The following POT1 variants were observed in gnomAD, a reference collection of about 807,000 sequenced individuals.
POT1 encodes the protein protection of telomeres 1, also known as protection of telomeres protein 1.
A neutral mutation model predicts 78.5 loss-of-function variants in POT1; 47 were observed. The observed-to-expected ratio is 0.60, with a 90% CI of 0.47 to 0.76. The LOEUF (loss-of-function observed/expected upper bound fraction) is 0.76. Ranked by LOEUF, POT1 falls within the 30% of genes least tolerant of loss-of-function variation. The pLI, the probability that POT1 is intolerant of heterozygous loss-of-function variation, is 0.00. For synonymous variants in POT1, 259 were observed against 260.7 expected (o/e 0.99, Z 0.06); for missense variants, 646 against 749.9 (o/e 0.86, Z 1.62).
intron 13 of POT1, among the ~76,000 whole-genome samples, chr7:124,842,581 A>G (rs1401507987): frequency 6.6e-6 from 1 of 151,806 alleles, no homozygotes; most frequent in Middle Eastern, 3.2e-3. Flanking sequence ...CCTTTATCAG[A>G]GTGACTAAGC....
intron 3 of POT1, among the ~76,000 whole-genome samples, chr7:124,901,268 T>C (rs926104316): frequency 1.3e-5 from 2 of 152,104 alleles, no homozygotes; most frequent in Non-Finnish European, 2.9e-5. Context: ...AACTGACACC[T>C]CACACAGCTG....
chr7:124,905,807 C>T (rs1383354674), intron 3 of POT1, among the ~76,000 whole-genome samples: 1 of 151,968 alleles, frequency 6.6e-6, no homozygotes, highest in Non-Finnish European at 1.5e-5. Flanking sequence ...ATCAAACAAC[C>T]CCATCAAAAA....
intron 5 of POT1, among the ~76,000 whole-genome samples, chr7:124,896,391 A>T (rs1796491849): frequency 6.6e-6 from 1 of 151,702 alleles, no homozygotes; most frequent in Admixed American, 6.6e-5. Flanking sequence ...ACCAGAGCTA[A>T]CTCACATTTT....
chr7:124,899,741 GA>G (rs55872782), intron 3 of POT1, among the ~76,000 whole-genome samples: 91,161 of 151,294 alleles, frequency 0.6, 27,518 homozygotes, highest in African/African-American at 0.65. Context: ...TATCCAAGTA[GA>G]AAAAAAAACC....
At chr7:124,859,805 C>G (rs1001770144) in intron 8 of POT1, among the ~76,000 whole-genome samples, 1 of 147,358 alleles carries the variant, frequency 6.8e-6, no homozygotes, top group Non-Finnish European at 1.5e-5. Context: ...AGAATATATA[C>G]ATTTAGAGAA....
At chr7:124,913,001 C>T (rs149328478) in intron 3 of POT1, among the ~76,000 whole-genome samples, 104 of 152,196 alleles carry the variant, frequency 6.8e-4, no homozygotes, top group African/African-American at 2.4e-3. Flanking sequence ...ATAATCAAGG[C>T]GGAAGGCAAG....
At chr7:124,919,030 C>T (rs989465864) in intron 2 of POT1, among the ~76,000 whole-genome samples, 6 of 152,094 alleles carry the variant, frequency 3.9e-5, no homozygotes, top group Non-Finnish European at 7.4e-5. Flanking sequence ...CAGGCAATTT[C>T]GTCTTTGTGT....
chr7:124,876,188 T>C (rs1160368021), intron 6 of POT1, among the ~76,000 whole-genome samples: 1 of 152,242 alleles, frequency 6.6e-6, no homozygotes. Context: ...CATTTGTTTG[T>C]ATATCTTTAA....
intron 11 of POT1, among the ~76,000 whole-genome samples, chr7:124,847,332 TAC>T (rs1795196369): frequency 6.6e-6 from 1 of 152,148 alleles, no homozygotes; most frequent in African/African-American, 2.4e-5. Context: ...CCATCTCTAC[TAC>T]AAATACAAAA....
At chr7:124,876,210 T>C (rs1047349185) in intron 6 of POT1, among the ~76,000 whole-genome samples, 1 of 152,092 alleles carries the variant, frequency 6.6e-6, no homozygotes, top group Non-Finnish European at 1.5e-5. Flanking sequence ...ACTAGGAAAA[T>C]ATGGGATTAT....
At chr7:124,900,726 G>A in intron 3 of POT1, 1 of 240,860 alleles carries the variant, frequency 4.2e-6, no homozygotes, top group Non-Finnish European at 9.4e-6. Flanking sequence ...AGTGCAAGGG[G>A]TCGGGGAATT....
In POT1 at chr7:124,858,998, A is replaced by C; in HGVS notation, c.661T>G (p.Leu221Val). ...HRLQNLTIDI[L>V]VYDNHVHVAR... ...ACATGAACATGGTTATCGTAGACTA[A>C]AATGTCTATTGTCAGATTTTGTAGC... The change falls in exon 9 of 19, where the codon TTA (leucine) becomes GTA (valine). Residue 221 changes from leucine to valine, a missense_variant. Coordinates refer to ENST00000357628, the MANE Select transcript of POT1 (RefSeq NM_015450.3). 1 of 1,611,888 alleles carries C rather than the reference A, an allele frequency of 6.2e-7. No homozygotes were observed. Among genetic ancestry groups the C allele is most frequent in the Non-Finnish European group, 8.5e-7 (1 of 1,178,384 alleles).
intron 1 of POT1, among the ~76,000 whole-genome samples, chr7:124,929,210 G>A (rs1797348162): frequency 6.6e-6 from 1 of 152,082 alleles, no homozygotes; most frequent in East Asian, 1.9e-4. Flanking sequence ...ACTTAGCTGC[G>A]TAAAGTACCT....
intron 15 of POT1, among the ~76,000 whole-genome samples, chr7:124,830,434 T>C (rs1170164242): frequency 6.6e-6 from 1 of 152,196 alleles, no homozygotes; most frequent in Non-Finnish European, 1.5e-5. Context: ...TATACCCTTC[T>C]ATTTATTAAA....
intron 3 of POT1, among the ~76,000 whole-genome samples, chr7:124,903,763 T>C (rs889118058): frequency 6.6e-6 from 1 of 151,818 alleles, no homozygotes; most frequent in Admixed American, 6.6e-5. Flanking sequence ...ATCAACAAAA[T>C]TGATAGACTG....
chr7:124,890,750 G>C (rs1408626090), intron 6 of POT1, among the ~76,000 whole-genome samples: 2 of 151,782 alleles, frequency 1.3e-5, no homozygotes, highest in Non-Finnish European at 2.9e-5. Context: ...ATGTAAACTA[G>C]TACAAACACT....
chr7:124,873,916 AGGTGGC>A (rs1795928946), intron 6 of POT1, among the ~76,000 whole-genome samples: 1 of 152,188 alleles, frequency 6.6e-6, no homozygotes, highest in African/African-American at 2.4e-5. Context: ...AGATACTACA[AGGTGGC>A]TACAGTGAAG....
chr7:124,827,252 C>T lies in POT1; in HGVS notation c.1648G>A (p.Asp550Asn). ...YVFVMTFTLD[D>N]GTGVLEAYLM... ...TAGGCTTCTAGTACTCCTGTTCCAT[C>T]ATCAAGTGTAAAGGTCATAACAAAC... The change falls in exon 17 of 19, where the codon GAT becomes AAT. Residue 550 changes from aspartate (D) to asparagine (N), a missense_variant. Asp to Asn is a conservative substitution (Grantham distance 23). Coordinates refer to ENST00000357628, the MANE Select transcript of POT1 (RefSeq NM_015450.3). 6.3e-7 allele frequency: 1 copy of T among 1,597,918 alleles called. No homozygotes were observed. The highest frequency in any genetic ancestry group is 8.6e-7 in the Non-Finnish European group (1 of 1,167,906).
intron 12 of POT1, 97 bp from the exon 13 acceptor site, chr7:124,843,060 T>G (rs1795069399): frequency 3.5e-6 from 3 of 853,516 alleles, no homozygotes; most frequent in Non-Finnish European, 5.1e-6. Context: ...CTAATTAATT[T>G]AAGCTCTATT....
Sources: gnomAD v4.1 joint callset for allele counts (sites outside exome capture counted in the v4.1 genomes callset) on GRCh38, gnomAD v4.1.1 for gene constraint, MANE v1.5 for transcripts, NCBI Gene and HGNC (gene_info 2026-07-23, HGNC 2026-07-21) for gene names.